The following RNF167 variants were observed in gnomAD, a reference collection of about 807,000 sequenced individuals.
The protein encoded by RNF167 is ring finger protein 167.
In RNF167, 19 loss-of-function variants were observed where a neutral mutation model predicts 34.8. The ratio of observed to expected loss-of-function variants is 0.55; its 90% CI spans 0.38 to 0.80. The LOEUF is 0.80. Among genes scored for constraint, RNF167 ranks in the 30% least tolerant of loss-of-function variants. The probability of loss-of-function intolerance (pLI) is 0.00; values close to 1 mark genes in which losing one functional copy is unlikely to be tolerated. For missense variants in RNF167, 464 were observed against 447.0 expected (o/e 1.04, Z -0.34); for synonymous variants, 200 against 170.4 (o/e 1.17, Z -1.35).
Position 4,944,573 on chromosome 17 carries a change from T to C in RNF167, c.686T>C (p.Val229Ala). ...TCTGTCCCAGGAGACCAGTATGATG[T>C]CTGTGCCATTTGCCTGGATGAATAT... ...HDYQKGDQYD[V>A]CAICLDEYED... The change falls in exon 9 of 10, where the codon GTC becomes GCC. Residue 229 changes from valine to alanine, a missense_variant. Val to Ala is a moderately conservative substitution (Grantham distance 64). Coordinates refer to ENST00000262482, the MANE Select transcript of RNF167 (RefSeq NM_015528.3). 1 of 1,605,120 alleles carries C rather than the reference T, an allele frequency of 6.2e-7. No homozygotes were observed. Among genetic ancestry groups the C allele is most frequent in the East Asian group, 2.2e-5 (1 of 44,768 alleles).
chr17:4,940,909 C>G lies in RNF167; in HGVS notation c.-1C>G, dbSNP rs759409703. On this transcript the variant is annotated 5_prime_UTR_variant, in exon 2 of 10. Coordinates refer to ENST00000262482, the MANE Select transcript of RNF167 (RefSeq NM_015528.3). The stretch of plus-strand genomic sequence containing the variant: ...TCCTCAGCCTCTTTCCTCCCGCTGC[C>G]ATGCACCCTGCAGCCTTCCCGCTTC... 6.3e-6 allele frequency: 10 copies of G among 1,599,178 alleles called. No homozygotes were observed. The highest frequency in any genetic ancestry group is 1.7e-5 in the Admixed American group (1 of 58,386).
chr17:4,942,799 G>A, intron 5 of RNF167, 52 bp from the exon 6 acceptor site: 1 of 1,598,742 alleles, frequency 6.3e-7, no homozygotes, highest in South Asian at 1.1e-5. Flanking sequence ...GGTTCCCAGA[G>A]GATTTGAGTA....
intron 3 of RNF167, among the ~76,000 whole-genome samples, chr17:4,941,816 C>G (rs1970834707): frequency 6.6e-6 from 1 of 152,100 alleles, no homozygotes; most frequent in Non-Finnish European, 1.5e-5. Flanking sequence ...ACTTGGGAGG[C>G]TGAGGCAGGA....
intron 8 of RNF167, among the ~76,000 whole-genome samples, chr17:4,944,195 A>ATT (rs2151128545): frequency 6.6e-6 from 1 of 152,294 alleles, no homozygotes; most frequent in Admixed American, 6.5e-5. Context: ...AATGGGAGGA[A>ATT]TGGGGAGGAT....
chr17:4,941,381 G>A (rs570033301), intron 3 of RNF167, among the ~76,000 whole-genome samples: 2 of 152,270 alleles, frequency 1.3e-5, no homozygotes, highest in South Asian at 4.1e-4. Flanking sequence ...GAACTCCGAG[G>A]TTATCAGGGA....
rs1331895136 is a variant in RNF167 at position 4,940,640 on chromosome 17, T to G, written c.-270T>G. 1.1e-5 allele frequency: 4 copies of G among 365,484 alleles called. No homozygotes were observed. The highest frequency in any genetic ancestry group is 1.5e-5 in the Non-Finnish European group (3 of 203,990). The allele number at this position is 365,484 out of a possible 1,614,324, so 22.6% of individuals were successfully genotyped here. Reference sequence around the variant, plus strand: ...CCCTTCCCGAAGTTTTTCTGTCACCTGTGTTAGGCTCCGTCCCCTTTCCGC... The same window carrying G: ...CCCTTCCCGAAGTTTTTCTGTCACCGGTGTTAGGCTCCGTCCCCTTTCCGC... On this transcript the variant is annotated 5_prime_UTR_variant, in exon 2 of 10. Coordinates refer to ENST00000262482, the MANE Select transcript of RNF167 (RefSeq NM_015528.3).
intron 3 of RNF167, 69 bp downstream of exon 3, chr17:4,941,226 G>A: frequency 7.0e-7 from 1 of 1,423,420 alleles, no homozygotes; most frequent in Non-Finnish European, 9.7e-7. Context: ...TCTTTTTTTA[G>A]TATTTCGCAA....
Position 4,944,725 on chromosome 17 carries a change from C to A in RNF167, c.762C>A (p.Ser254Arg), listed in dbSNP as rs769005807. The A allele has an allele frequency of 4.3e-6, 7 of 1,613,950 alleles. No homozygotes were observed. The highest frequency in any genetic ancestry group is 3.3e-5 in the Admixed American group (2 of 59,976). Reference protein sequence around the residue: ...RVLPCAHAYHSRCVDPWLTQT... With the variant: ...RVLPCAHAYHRRCVDPWLTQT... ...TGTTCCTCTCTGCAGCCTACCACAG[C>A]CGCTGCGTGGACCCCTGGCTCACTC... The change falls in exon 10 of 10, where the codon AGC (serine) becomes AGA (arginine). Residue 254 changes from serine (S) to arginine (R), a missense_variant. By Grantham distance (110) the Ser-to-Arg change is moderately radical (BLOSUM62 -1). Transcript: ENST00000262482.
chr17:4,943,209 C>T lies in RNF167; in HGVS notation c.501C>T (p.Thr167=), dbSNP rs1271883005. 5.0e-6 allele frequency: 8 copies of T among 1,614,110 alleles called. No homozygotes were observed. The highest frequency in any genetic ancestry group is 6.8e-6 in the Non-Finnish European group (8 of 1,180,020). The change falls in exon 7 of 10, where the codon ACC becomes ACT. Residue 167 remains threonine, a synonymous_variant. Coordinates refer to ENST00000262482, the MANE Select transcript of RNF167 (RefSeq NM_015528.3). ...GARVLLVPDN[T]FPLGYYLIPF... ...GGGTGCTTCTGGTTCCAGACAATACCTTCCCCTTGGGCTATTACCTCATCC... is the reference window on the plus strand; with the variant it reads ...GGGTGCTTCTGGTTCCAGACAATACTTTCCCCTTGGGCTATTACCTCATCC...
At chr17:4,944,475 G>T (rs1971176709) in intron 8 of RNF167, 83 bp from the exon 9 acceptor site, 4 of 1,510,356 alleles carry the variant, frequency 2.6e-6, no homozygotes, top group African/African-American at 1.4e-5. Flanking sequence ...TAGGTGAGGG[G>T]AAATTTTTGC....
chr17:4,943,041 C>A lies in RNF167; in HGVS notation c.470+100C>A, dbSNP rs116120736. The A allele has an allele frequency of 1.9e-3, 2,513 of 1,313,540 alleles. 36 individuals carry two copies. In the African/African-American group the frequency reaches 0.031, roughly 16 times the overall value. 81.4% of individuals were successfully genotyped at this position (1,313,540 alleles called of 1,614,324 possible). ...TTACCCGAACCATTCAGCCTCCTGT[C>A]CTTCCTTCCCTGCCTCTTTGACTTT... is the stretch of plus-strand genomic sequence containing the variant. On this transcript the variant is annotated intron_variant, in intron 6 of 9. Transcript: ENST00000262482.
chr17:4,943,043 T>G, intron 6 of RNF167, 102 bp downstream of exon 6: 2 of 1,321,578 alleles, frequency 1.5e-6, no homozygotes, highest in Non-Finnish European at 2.2e-6. Context: ...CCTCCTGTCC[T>G]TCCTTCCCTG....
intron 5 of RNF167, 41 bp downstream of exon 5, chr17:4,942,705 A>G (rs777131301): frequency 1.7e-5 from 27 of 1,605,136 alleles, no homozygotes; most frequent in Non-Finnish European, 2.1e-5. Context: ...TTTCAGTAGG[A>G]CCCAGAGATG....
At position 4,940,721 on chromosome 17, in the gene RNF167, A is replaced by G. The variant is rs2151116073; in HGVS notation, c.-189A>G. The G allele has an allele frequency of 5.6e-6, 3 of 535,186 alleles. No individual in the cohort carries two copies. Among genetic ancestry groups the G allele is most frequent in the Admixed American group, 3.5e-5 (1 of 28,512 alleles). The allele number at this position is 535,186 out of a possible 1,614,324, so 33.2% of individuals were successfully genotyped here. A position where few individuals can be genotyped will look rare whatever the true frequency, so the allele number is the denominator to read the frequency against. Reference sequence around the variant, plus strand: ...TTAGTGCCTCCCACCCAGCTCCACTAAACGGGTTGGATATCTCATTCTTTG... The same window carrying G: ...TTAGTGCCTCCCACCCAGCTCCACTGAACGGGTTGGATATCTCATTCTTTG... On this transcript the variant is annotated 5_prime_UTR_variant, in exon 2 of 10. Transcript: ENST00000262482.
In RNF167 at chr17:4,944,697, C is replaced by T. The variant is rs745413212; in HGVS notation, c.752-18C>T. On this transcript the variant is annotated intron_variant, in intron 9 of 9. Transcript: ENST00000262482. Reference sequence around the variant, plus strand: ...CCACCAGCAGCCACCAGGTGCTTCACCTTGTTCCTCTCTGCAGCCTACCAC... The same window carrying T: ...CCACCAGCAGCCACCAGGTGCTTCATCTTGTTCCTCTCTGCAGCCTACCAC... 2.5e-6 allele frequency: 4 copies of T among 1,614,156 alleles called. No individual in the cohort carries two copies. Among genetic ancestry groups the T allele is most frequent in the Admixed American group, 3.3e-5 (2 of 60,014 alleles).
chr17:4,942,275 G>A, intron 3 of RNF167, 66 bp from the exon 4 acceptor site: 3 of 1,571,284 alleles, frequency 1.9e-6, no homozygotes, highest in Non-Finnish European at 2.6e-6. Context: ...GGTGTGTTTG[G>A]TGGCCCCTGT....
At position 4,944,469 on chromosome 17, in the gene RNF167, T is replaced by C. The variant is rs537949279; in HGVS notation, c.671-89T>C. 36 of 1,507,098 alleles carry C rather than the reference T, an allele frequency of 2.4e-5. No homozygotes were observed. The African/African-American group carries it at 3.5e-4, about 15-fold the overall frequency. 93.4% of individuals were successfully genotyped at this position (1,507,098 alleles called of 1,614,324 possible). On this transcript the variant is annotated intron_variant, in intron 8 of 9. Coordinates refer to ENST00000262482, the MANE Select transcript of RNF167 (RefSeq NM_015528.3). The stretch of plus-strand genomic sequence containing the variant: ...TTATCTCTTCCACTGGCTTTGTAGG[T>C]GAGGGGAAATTTTTGCAAGGCTTTA...
rs1319622956 is a variant in RNF167 at position 4,943,439 on chromosome 17, T to C, written c.590T>C (p.Ile197Thr). 3.1e-6 allele frequency: 5 copies of C among 1,613,772 alleles called. No individual in the cohort carries two copies. The African/African-American group carries it at 6.7e-5, about 22-fold the overall frequency. Residue 197 changes from isoleucine to threonine, a missense_variant, in exon 8 of 10, where the codon ATC becomes ACC. Coordinates refer to ENST00000262482, the MANE Select transcript of RNF167 (RefSeq NM_015528.3). ...CGCTTCCCCCAGATAGCTCGTTGTA[T>C]CCAGCACCGGAAACGGCTCCAGCGG... is the stretch of plus-strand genomic sequence containing the variant. ...AMGAVMIARCIQHRKRLQRNR... is the reference protein window; with the variant it reads ...AMGAVMIARCTQHRKRLQRNR...
chr17:4,943,265 T>C lies in RNF167; in HGVS notation c.557T>C (p.Leu186Ser). The C allele has an allele frequency of 1.2e-6, 2 of 1,614,122 alleles. No homozygotes were observed. The highest frequency in any genetic ancestry group is 1.7e-6 in the Non-Finnish European group (2 of 1,179,990). Residue 186 changes from leucine to serine, a missense_variant, in exon 7 of 10, where the codon TTG becomes TCG. Physicochemically the swap from Leu to Ser is moderately radical, Grantham distance 145. Transcript: ENST00000262482. ...PFTGIVGLLVLAMGAVMIARC... is the reference protein window; with the variant it reads ...PFTGIVGLLVSAMGAVMIARC... ...ACAGGGATTGTGGGACTGCTGGTTT[T>C]GGCCATGGGAGCAGTAATGGTGAGT... is the stretch of plus-strand genomic sequence containing the variant.
Sources: allele counts gnomAD v4.1 joint callset (sites outside exome capture counted in the v4.1 genomes callset), GRCh38; gene constraint gnomAD v4.1.1; transcripts MANE v1.5; gene names NCBI Gene and HGNC (gene_info 2026-07-23, HGNC 2026-07-21).